PFKFB4: variants seen among roughly 807,000 people sequenced by gnomAD.
The protein encoded by PFKFB4 is 6-phosphofructo-2-kinase/fructose-2,6-biphosphatase 4, also known as 6-phosphofructo-2-kinase/fructose-2,6-bisphosphatase 4.
Under a neutral mutation model 62.8 loss-of-function variants are expected in PFKFB4, and 42 were observed. The ratio of observed to expected loss-of-function variants is 0.67; its 90% CI spans 0.52 to 0.86. The LOEUF is 0.86. PFKFB4 is among the 40% of genes least tolerant of loss of function. The probability of loss-of-function intolerance (pLI) is 0.00; values close to 1 mark genes in which losing one functional copy is unlikely to be tolerated. For missense variants in PFKFB4, 475 were observed against 627.2 expected (o/e 0.76, Z 2.59); for synonymous variants, 204 against 240.7 (o/e 0.85, Z 1.41).
chr3:48,553,018 G>T (rs895628523), intron 1 of PFKFB4, among the ~76,000 whole-genome samples: 4 of 152,194 alleles, frequency 2.6e-5, no homozygotes, highest in African/African-American at 9.7e-5. Flanking sequence ...GCAAAACACT[G>T]GGAAATTCCA....
chr3:48,526,813 C>T (rs1163144334), intron 9 of PFKFB4, among the ~76,000 whole-genome samples: 3 of 151,560 alleles, frequency 2.0e-5, no homozygotes, highest in Non-Finnish European at 4.4e-5. Context: ...TGGTGGCTCA[C>T]GCCTGTAGTC....
chr3:48,536,798 T>C (rs1248569272), intron 7 of PFKFB4: 2 of 314,046 alleles, frequency 6.4e-6, no homozygotes, highest in East Asian at 6.5e-5. Context: ...TGTTGGCCTA[T>C]CTCCGCACTC....
chr3:48,549,847 C>T lies in PFKFB4; in HGVS notation c.311+17G>A. The T allele has an allele frequency of 6.6e-7, 1 of 1,510,572 alleles. No individual in the cohort carries two copies. The highest frequency in any genetic ancestry group is 9.2e-7 in the Non-Finnish European group (1 of 1,085,588). The allele number at this position is 1,510,572 out of a possible 1,614,324, so 93.6% of individuals were successfully genotyped here. On this transcript the variant is annotated intron_variant, in intron 3 of 13. Coordinates refer to ENST00000232375, the MANE Select transcript of PFKFB4 (RefSeq NM_004567.4). Reference sequence around the variant, plus strand: ...CCCCCAGCAACCTCTCCCCCCACACCCAACACATATACTTACTTCCTGATT... The same window carrying T: ...CCCCCAGCAACCTCTCCCCCCACACTCAACACATATACTTACTTCCTGATT...
At chr3:48,528,089 G>A (rs1014995521) in intron 9 of PFKFB4, among the ~76,000 whole-genome samples, 2 of 152,080 alleles carry the variant, frequency 1.3e-5, no homozygotes, top group Non-Finnish European at 2.9e-5. Flanking sequence ...GGGGAAATGA[G>A]GTACCTTTTC....
In PFKFB4 at chr3:48,518,699, C is replaced by T. The variant is rs1301884128; in HGVS notation, c.*1048G>A. 1.3e-5 allele frequency: 2 copies of T among 152,298 alleles called. No individual in the cohort carries two copies. The highest frequency in any genetic ancestry group is 4.8e-5 in the African/African-American group (2 of 41,482). The allele number at this position is 152,298 out of a possible 1,614,324, so 9.4% of individuals were successfully genotyped here. A position where few individuals can be genotyped will look rare whatever the true frequency, so the allele number is the denominator to read the frequency against. ...TATGGGTTCTGCCTTCTCCCTTCCT[C>T]AGACCCACAGGCAGAAGTCAACAAA... On this transcript the variant is annotated 3_prime_UTR_variant, in exon 14 of 14. Coordinates refer to ENST00000232375, the MANE Select transcript of PFKFB4 (RefSeq NM_004567.4).
chr3:48,552,709 C>T (rs1001542306), intron 1 of PFKFB4, among the ~76,000 whole-genome samples: 2 of 152,238 alleles, frequency 1.3e-5, no homozygotes, highest in Non-Finnish European at 2.9e-5. Flanking sequence ...GGCCACCCCC[C>T]AACTGCTCCT....
intron 3 of PFKFB4, among the ~76,000 whole-genome samples, chr3:48,547,279 G>A (rs534480849): frequency 1.3e-5 from 2 of 152,234 alleles, no homozygotes; most frequent in South Asian, 4.1e-4. Context: ...TATGTATAAC[G>A]TGACTGTGTA....
At chr3:48,534,100 G>A (rs1212993172) in intron 9 of PFKFB4, among the ~76,000 whole-genome samples, 9 of 152,056 alleles carry the variant, frequency 5.9e-5, no homozygotes, top group Admixed American at 5.9e-4. Context: ...TCACTGGATG[G>A]GTTTAATAAA....
At chr3:48,547,237 T>C (rs2042992683) in intron 3 of PFKFB4, among the ~76,000 whole-genome samples, 1 of 152,204 alleles carries the variant, frequency 6.6e-6, no homozygotes, top group African/African-American at 2.4e-5. Flanking sequence ...AGTATTTATA[T>C]GTGTAGGTGC....
chr3:48,547,951 C>T (rs116338740), intron 3 of PFKFB4: 2 of 152,180 alleles, frequency 1.3e-5, no homozygotes, highest in East Asian at 1.9e-4. Flanking sequence ...TAGGAGATGG[C>T]CCTGTGGCCC....
chr3:48,543,884 C>T (rs1464779555), intron 3 of PFKFB4, among the ~76,000 whole-genome samples: 1 of 152,120 alleles, frequency 6.6e-6, no homozygotes, highest in East Asian at 1.9e-4. Flanking sequence ...TTAAGCACTA[C>T]GTTTCTGTAT....
chr3:48,552,439 C>T (rs1267828447), intron 1 of PFKFB4, among the ~76,000 whole-genome samples: 3 of 152,190 alleles, frequency 2.0e-5, no homozygotes, highest in Admixed American at 6.5e-5. Context: ...GCCTCAGGGG[C>T]GGGAAGGAGG....
rs573315338 is a variant in PFKFB4 at position 48,556,396 on chromosome 3, G to A, written c.97+285C>T. On this transcript the variant is annotated intron_variant, in intron 1 of 13. Transcript: ENST00000232375. This position sits in a 1 kb window ranked among gnomAD's most constrained non-coding sequence, Gnocchi z 5.7. ...TGGGGATTGGAGAGGGAAGCGAGGG[G>A]GCCAGAGCCCTCCCCGAGGTGATGG... Among the ~76,000 whole-genome samples, 32 of 152,116 alleles carry A rather than the reference G, an allele frequency of 2.1e-4. No individual in the cohort carries two copies. Among genetic ancestry groups the A allele is most frequent in the Non-Finnish European group, 3.8e-4 (26 of 67,984 alleles).
intron 1 of PFKFB4, among the ~76,000 whole-genome samples, chr3:48,552,119 T>A (rs1201608906): frequency 6.6e-6 from 1 of 152,086 alleles, no homozygotes. Context: ...CCATCTTGAG[T>A]CTGACACTCA....
chr3:48,525,938 T>G (rs1575357642), intron 9 of PFKFB4: 1 of 256,928 alleles, frequency 3.9e-6, no homozygotes, highest in East Asian at 7.4e-5. Context: ...TTTTCTTTTC[T>G]GTGCTGTGGA....
chr3:48,535,546 T>C lies in PFKFB4; in HGVS notation c.953A>G (p.Tyr318Cys), dbSNP rs1191941743. The C allele has an allele frequency of 2.5e-6, 4 of 1,614,128 alleles. No individual in the cohort carries two copies. The highest frequency in any genetic ancestry group is 3.3e-5 in the Admixed American group (2 of 60,018). Residue 318 changes from tyrosine to cysteine, a missense_variant, in exon 9 of 14, where the codon TAT becomes TGT. Coordinates refer to ENST00000232375, the MANE Select transcript of PFKFB4 (RefSeq NM_004567.4). ...IQTAEALGVP[Y>C]EQWKVLNEID... ...CTCGTTGAGGACCTTCCACTGTTCA[T>C]AGGGCACACCCAGTGCCTCAGCCGT... is the stretch of plus-strand genomic sequence containing the variant.
At chr3:48,531,539 T>G (rs1363911787) in intron 9 of PFKFB4, among the ~76,000 whole-genome samples, 2 of 150,510 alleles carry the variant, frequency 1.3e-5, no homozygotes, top group Admixed American at 6.6e-5. Flanking sequence ...CTCCCAGGTC[T>G]CCAACTCCTG....
Position 48,521,693 on chromosome 3 carries a change from C to A in PFKFB4, c.1350+293G>T, listed in dbSNP as rs1353713419. 6.6e-6 allele frequency among the ~76,000 whole-genome samples: 1 copy of A among 152,182 alleles called. No individual in the cohort carries two copies. The highest frequency in any genetic ancestry group is 2.4e-5 in the African/African-American group (1 of 41,440). On this transcript the variant is annotated intron_variant, in intron 13 of 13. Coordinates refer to ENST00000232375, the MANE Select transcript of PFKFB4 (RefSeq NM_004567.4). This position sits in a 1 kb window ranked among gnomAD's most constrained non-coding sequence, Gnocchi z 5.3. Reference sequence around the variant, plus strand: ...AGACCTCCAAGTTGCTGCTTGGGAGCCCTGTGGCTCCTCAAGTCCTGGGGC... The same window carrying A: ...AGACCTCCAAGTTGCTGCTTGGGAGACCTGTGGCTCCTCAAGTCCTGGGGC...
upstream of PFKFB4, chr3:48,556,811 C>G: frequency 6.3e-7 from 1 of 1,580,150 alleles, no homozygotes; most frequent in Middle Eastern, 1.7e-4. This position sits in a 1 kb window ranked among gnomAD's most constrained non-coding sequence, Gnocchi z 5.7. Flanking sequence ...TGCGCCGCTT[C>G]CAACCCAGCA....
Sources: allele counts gnomAD v4.1 joint callset (sites outside exome capture counted in the v4.1 genomes callset), GRCh38; gene constraint gnomAD v4.1.1; non-coding constraint Gnocchi (gnomAD v3.1); transcripts MANE v1.5; gene names NCBI Gene and HGNC (gene_info 2026-07-23, HGNC 2026-07-21).